Variants in GNG2 observed in about 807,000 individuals in gnomAD.
GNG2 encodes the protein G protein subunit gamma 2, also known as guanine nucleotide-binding protein G(I)/G(S)/G(O) subunit gamma-2.
Under a neutral mutation model 5.5 loss-of-function variants are expected in GNG2, and 5 were observed. The observed-to-expected ratio is 0.91, with a 90% CI of 0.48 to 1.92. The LOEUF is 1.92. Among genes scored for constraint, GNG2 ranks in the 30% most tolerant of loss-of-function variants. The probability of loss-of-function intolerance (pLI) is 0.01; values close to 1 mark genes in which losing one functional copy is unlikely to be tolerated. For missense variants in GNG2, 55 were observed against 88.4 expected, an observed-to-expected ratio of 0.62 and a Z score of 1.52; for synonymous variants, 28 against 32.0, an observed-to-expected ratio of 0.88 and a Z score of 0.42.
chr14:51,914,347 G>A (rs1241103002), intron 2 of GNG2: 1 of 698,676 alleles, frequency 1.4e-6, no homozygotes, highest in Admixed American at 2.0e-5. Context: ...AGAAACACAG[G>A]CCACAGTAAC....
chr14:51,830,561 C>G (rs1231876826), intron 2 of GNG2, among the ~76,000 whole-genome samples: 2 of 152,158 alleles, frequency 1.3e-5, no homozygotes, highest in African/African-American at 4.8e-5. Context: ...TGCTCTATAT[C>G]CTTCTAATTA....
intron 2 of GNG2, among the ~76,000 whole-genome samples, chr14:51,831,697 A>C (rs1469535306): frequency 5.3e-5 from 8 of 152,230 alleles, no homozygotes; most frequent in Admixed American, 5.2e-4. Flanking sequence ...TCAAAACAAA[A>C]CACACTTGAT....
At chr14:51,834,366 T>C (rs1881278585) in intron 2 of GNG2, among the ~76,000 whole-genome samples, 1 of 152,200 alleles carries the variant, frequency 6.6e-6, no homozygotes, top group Admixed American at 6.5e-5. Context: ...CTTGCCTGGC[T>C]TCTGCCTGCC....
chr14:51,902,696 A>T (rs974250303), intron 2 of GNG2, among the ~76,000 whole-genome samples: 3 of 152,188 alleles, frequency 2.0e-5, no homozygotes, highest in Non-Finnish European at 4.4e-5. Flanking sequence ...GTTCAAGACC[A>T]GCCTGGACAA....
intron 2 of GNG2, chr14:51,917,496 A>C (rs1464084681): frequency 2.3e-6 from 1 of 439,138 alleles, no homozygotes; most frequent in African/African-American, 2.0e-5. Flanking sequence ...AGTTTATTAA[A>C]ACCATGTCTT....
intron 3 of GNG2, among the ~76,000 whole-genome samples, chr14:51,963,203 A>G (rs1450401018): frequency 1.3e-5 from 2 of 152,228 alleles, no homozygotes; most frequent in Non-Finnish European, 2.9e-5. Flanking sequence ...GATAAAACAC[A>G]TAATATATTT....
At chr14:51,888,852 G>A (rs1884638978) in intron 2 of GNG2, among the ~76,000 whole-genome samples, 1 of 152,156 alleles carries the variant, frequency 6.6e-6, no homozygotes, top group Non-Finnish European at 1.5e-5. Context: ...CAACATAAAT[G>A]TGGTGTATCT....
chr14:51,906,666 A>G (rs969532244), intron 2 of GNG2, among the ~76,000 whole-genome samples: 5 of 152,034 alleles, frequency 3.3e-5, no homozygotes, highest in African/African-American at 1.2e-4. Context: ...TGAATTTGCA[A>G]TTGATCTGTC....
At chr14:51,871,829 A>G (rs554942222) in intron 1 of GNG2, among the ~76,000 whole-genome samples, 1 of 152,330 alleles carries the variant, frequency 6.6e-6, no homozygotes, top group East Asian at 1.9e-4. Flanking sequence ...ATGAAGTAAT[A>G]GTCTGGGTTT....
In GNG2 at chr14:51,916,119, A is replaced by C. The variant is rs76777545; in HGVS notation, c.-29-34531A>C. 7.2e-3 allele frequency: 1,427 copies of C among 198,866 alleles called. 31 individuals carry two copies. Among genetic ancestry groups the C allele is most frequent in the African/African-American group, 0.032 (1,349 of 42,002 alleles). 12.3% of individuals were successfully genotyped at this position (198,866 alleles called of 1,614,324 possible). Reference sequence around the variant, plus strand: ...ACATAGAGTAGGCACCAAAAGAATAAAGAATTATTGATTGAGTAAATGAAA... The same window carrying C: ...ACATAGAGTAGGCACCAAAAGAATACAGAATTATTGATTGAGTAAATGAAA... On this transcript the variant is annotated intron_variant, in intron 2 of 3. Transcript: ENST00000556766.
chr14:51,938,495 A>G (rs544616351), intron 2 of GNG2, among the ~76,000 whole-genome samples: 17 of 152,348 alleles, frequency 1.1e-4, no homozygotes, highest in East Asian at 5.8e-4. Flanking sequence ...GTACAATCCA[A>G]TAGTTGTTAT....
chr14:51,953,855 T>C (rs1052367466), intron 3 of GNG2, among the ~76,000 whole-genome samples: 2 of 152,210 alleles, frequency 1.3e-5, no homozygotes, highest in African/African-American at 4.8e-5. Flanking sequence ...GGCTTCTCTC[T>C]GAAGATCCCA....
chr14:51,953,949 C>T (rs1889128857), intron 3 of GNG2, among the ~76,000 whole-genome samples: 1 of 152,164 alleles, frequency 6.6e-6, no homozygotes, highest in African/African-American at 2.4e-5. Flanking sequence ...GCAGAACCTA[C>T]TGCAACTGAG....
At chr14:51,921,324 G>A (rs1887003616) in intron 2 of GNG2, among the ~76,000 whole-genome samples, 1 of 152,180 alleles carries the variant, frequency 6.6e-6, no homozygotes, top group Non-Finnish European at 1.5e-5. Context: ...ATTATGGTAT[G>A]TAAGAAGTGT....
intron 2 of GNG2, among the ~76,000 whole-genome samples, chr14:51,845,400 G>A (rs569367186): frequency 2.6e-5 from 4 of 152,270 alleles, no homozygotes; most frequent in Admixed American, 2.6e-4. Context: ...AGGCTGAGGT[G>A]GGAGGATTGA....
rs1426275957 is a variant in GNG2 at position 51,969,169 on chromosome 14, T to A, written c.*2482T>A. ...GAATAACTAATAGGAAAAGTCAGCT[T>A]AATTATTTAAGGCCCTAGTTTCTAC... On this transcript the variant is annotated 3_prime_UTR_variant, in exon 4 of 4. Coordinates refer to ENST00000556766, the MANE Select transcript of GNG2 (RefSeq NM_053064.5). The A allele has an allele frequency of 6.6e-6, 1 of 152,326 alleles. No individual in the cohort carries two copies. Among genetic ancestry groups the A allele is most frequent in the Admixed American group, 6.5e-5 (1 of 15,302 alleles). The allele number at this position is 152,326 out of a possible 1,614,324, so 9.4% of individuals were successfully genotyped here.
At chr14:51,843,788 C>T (rs796715375) in intron 2 of GNG2, among the ~76,000 whole-genome samples, 1 of 152,112 alleles carries the variant, frequency 6.6e-6, no homozygotes, top group Non-Finnish European at 1.5e-5. Context: ...TCAATTAACC[C>T]CAGCCCACCT....
intron 1 of GNG2, among the ~76,000 whole-genome samples, chr14:51,861,647 T>A (rs1882490398): frequency 6.6e-6 from 1 of 152,204 alleles, no homozygotes; most frequent in Non-Finnish European, 1.5e-5. Context: ...TCTTTGATTT[T>A]CTTGAGCAAA....
At chr14:51,928,930 G>A (rs185743990) in intron 2 of GNG2, among the ~76,000 whole-genome samples, 353 of 152,274 alleles carry the variant, frequency 2.3e-3, no homozygotes, top group Middle Eastern at 6.8e-3. Context: ...GAACTAAGCC[G>A]TAGTCTATAA....
Sources: allele counts gnomAD v4.1 joint callset (sites outside exome capture counted in the v4.1 genomes callset), GRCh38; gene constraint gnomAD v4.1.1; transcripts MANE v1.5; gene names NCBI Gene and HGNC (gene_info 2026-07-23, HGNC 2026-07-21).